TSHZ2: variants seen among roughly 807,000 people sequenced by gnomAD.
TSHZ2 encodes teashirt zinc finger homeobox 2, also known as teashirt homolog 2.
Under a neutral mutation model 74.4 loss-of-function variants are expected in TSHZ2, and 21 were observed. The ratio of observed to expected loss-of-function variants is 0.28; its 90% CI spans 0.20 to 0.41. The LOEUF is 0.41. Among genes scored for constraint, TSHZ2 ranks in the 10% least tolerant of loss-of-function variants. The pLI is 1.00. For synonymous variants in TSHZ2, 540 were observed against 515.3 expected, an observed-to-expected ratio of 1.05 and a Z score of -0.65; for missense variants, 1,244 against 1,293.5, an observed-to-expected ratio of 0.96 and a Z score of 0.59.
At chr20:53,470,320 G>A (rs1212360855) in intron 2 of TSHZ2, among the ~76,000 whole-genome samples, 2 of 152,080 alleles carry the variant, frequency 1.3e-5, no homozygotes, top group African/African-American at 2.4e-5. Flanking sequence ...AAAGTTGAAG[G>A]GTTTCCTCAC....
chr20:53,023,899 C>T (rs976668835), intron 1 of TSHZ2, among the ~76,000 whole-genome samples: 3 of 152,038 alleles, frequency 2.0e-5, no homozygotes, highest in African/African-American at 4.8e-5. Context: ...CTGACTTGAG[C>T]GTTTTCCTGA....
At chr20:53,088,818 C>T (rs749023441) in intron 1 of TSHZ2, among the ~76,000 whole-genome samples, 2 of 152,134 alleles carry the variant, frequency 1.3e-5, no homozygotes, top group South Asian at 2.1e-4. Flanking sequence ...CAGAGTACCA[C>T]ACAGCAATGC....
intron 2 of TSHZ2, among the ~76,000 whole-genome samples, chr20:53,324,128 T>A (rs1600810730): frequency 1.3e-5 from 2 of 152,276 alleles, no homozygotes; most frequent in Middle Eastern, 3.4e-3. Context: ...ACATTTTCTT[T>A]TTAGCTCCGG....
At chr20:53,289,884 G>A (rs1241836576) in intron 2 of TSHZ2, among the ~76,000 whole-genome samples, 3 of 152,136 alleles carry the variant, frequency 2.0e-5, no homozygotes, top group African/African-American at 7.2e-5. Context: ...ATTAATTATA[G>A]CCAGGGGATC....
chr20:53,235,261 G>C (rs1989916786), intron 1 of TSHZ2, among the ~76,000 whole-genome samples: 2 of 152,004 alleles, frequency 1.3e-5, no homozygotes, highest in African/African-American at 2.4e-5. Context: ...TCTGCCTCTT[G>C]GGTTCAAGTG....
At chr20:53,384,791 T>G (rs776267220) in intron 2 of TSHZ2, among the ~76,000 whole-genome samples, 2 of 152,252 alleles carry the variant, frequency 1.3e-5, no homozygotes, top group Non-Finnish European at 2.9e-5. Context: ...TATGTCTAAG[T>G]CTACAATTAA....
intron 2 of TSHZ2, among the ~76,000 whole-genome samples, chr20:53,409,966 C>T (rs557179341): frequency 6.7e-6 from 1 of 149,552 alleles, no homozygotes; most frequent in South Asian, 2.1e-4. Context: ...TCTGTCTCAG[C>T]CTCTTGAGTA....
chr20:53,244,820 A>G (rs1394892115), intron 1 of TSHZ2, among the ~76,000 whole-genome samples: 1 of 152,176 alleles, frequency 6.6e-6, no homozygotes, highest in Admixed American at 6.5e-5. Flanking sequence ...ATCACTTTCT[A>G]CGGAAGTTCC....
chr20:53,469,834 GAGGA>G (rs1346558946), intron 2 of TSHZ2, among the ~76,000 whole-genome samples: 1 of 131,284 alleles, frequency 7.6e-6, no homozygotes, highest in Admixed American at 7.6e-5. Flanking sequence ...AAGAGAGAGG[GAGGA>G]AGGGAGGGAG....
At chr20:53,280,062 G>C (rs1442261992) in intron 2 of TSHZ2, among the ~76,000 whole-genome samples, 1 of 152,184 alleles carries the variant, frequency 6.6e-6, no homozygotes. Flanking sequence ...ACATTGAGAG[G>C]CTTTAAATAG....
At chr20:53,034,164 A>G (rs1371708598) in intron 1 of TSHZ2, among the ~76,000 whole-genome samples, 1 of 152,150 alleles carries the variant, frequency 6.6e-6, no homozygotes, top group Non-Finnish European at 1.5e-5. Context: ...ATAGACAGAG[A>G]CTTGTGGGAG....
chr20:53,025,673 C>T (rs568404607), intron 1 of TSHZ2, among the ~76,000 whole-genome samples: 2 of 152,306 alleles, frequency 1.3e-5, no homozygotes, highest in African/African-American at 4.8e-5. Context: ...ATAAAAATTA[C>T]TATTTCTTAC....
intron 1 of TSHZ2, among the ~76,000 whole-genome samples, chr20:53,132,621 T>C: frequency 6.6e-6 from 1 of 152,138 alleles, no homozygotes; most frequent in Non-Finnish European, 1.5e-5. Context: ...ACGCTAATCT[T>C]AGAAAACCAC....
chr20:53,034,975 T>C (rs1445827985), intron 1 of TSHZ2, among the ~76,000 whole-genome samples: 2 of 152,162 alleles, frequency 1.3e-5, no homozygotes, highest in East Asian at 1.9e-4. Context: ...GAGATCAGGA[T>C]AGCAGGAAGG....
At chr20:53,366,550 G>A (rs963579738) in intron 2 of TSHZ2, among the ~76,000 whole-genome samples, 5 of 152,150 alleles carry the variant, frequency 3.3e-5, no homozygotes, top group African/African-American at 9.7e-5. Context: ...TGTGGAAAGC[G>A]GGTCAACCTC....
intron 1 of TSHZ2, among the ~76,000 whole-genome samples, chr20:53,165,844 T>C (rs920456940): frequency 6.6e-6 from 1 of 152,206 alleles, no homozygotes; most frequent in South Asian, 2.1e-4. Flanking sequence ...TGGGTCCACA[T>C]GCAGACTCAC....
At chr20:53,020,727 G>C (rs1331215651) in intron 1 of TSHZ2, among the ~76,000 whole-genome samples, 1 of 152,206 alleles carries the variant, frequency 6.6e-6, no homozygotes, top group Non-Finnish European at 1.5e-5. Context: ...CCAAAGACCA[G>C]GGATAGCCTC....
At chr20:53,233,301 G>A (rs1055331385) in intron 1 of TSHZ2, among the ~76,000 whole-genome samples, 88 of 152,190 alleles carry the variant, frequency 5.8e-4, no homozygotes, top group African/African-American at 2.0e-3. Context: ...GAGTGTAAAT[G>A]GCAGAGTCAA....
rs1447626718 is a variant in TSHZ2 at position 53,492,082 on chromosome 20, AAACT to A, written c.*4951_*4954del. 1.3e-5 allele frequency: 2 copies of A among 151,880 alleles called. No homozygotes were observed. The highest frequency in any genetic ancestry group is 2.9e-5 in the Non-Finnish European group (2 of 67,966). The allele number at this position is 151,880 out of a possible 1,614,324, so 9.4% of individuals were successfully genotyped here. On this transcript the variant is annotated 3_prime_UTR_variant, in exon 3 of 3. Coordinates refer to ENST00000371497, the MANE Select transcript of TSHZ2 (RefSeq NM_173485.6). ...CAAAGGCATTACAAAAAAAAAAAAAAAACTAACCACTCCATTCAACTCTCTCAGA... is the reference window on the plus strand; with the variant it reads ...CAAAGGCATTACAAAAAAAAAAAAAAAACCACTCCATTCAACTCTCTCAGA...
Sources: gnomAD v4.1 joint callset for allele counts (sites outside exome capture counted in the v4.1 genomes callset) on GRCh38, gnomAD v4.1.1 for gene constraint, MANE v1.5 for transcripts, NCBI Gene and HGNC (gene_info 2026-07-23, HGNC 2026-07-21) for gene names.